ANAPC1: variants seen among roughly 807,000 people sequenced by gnomAD.
The protein encoded by ANAPC1 is anaphase promoting complex subunit 1.
ANAPC1 carries 36 observed loss-of-function variants against 208.0 expected under a neutral mutation model. The ratio of observed to expected loss-of-function variants is 0.17; its 90% CI spans 0.13 to 0.23. The LOEUF is 0.23. ANAPC1 is among the 10% of genes least tolerant of loss of function. The probability of loss-of-function intolerance (pLI) is 1.00; values close to 1 mark genes in which losing one functional copy is unlikely to be tolerated. For synonymous variants in ANAPC1, 378 were observed against 695.2 expected, an observed-to-expected ratio of 0.54 and a Z score of 7.18; for missense variants, 942 against 2,011.6, an observed-to-expected ratio of 0.47 and a Z score of 10.17.
chr2:111,785,632 G>A (rs1453389549), intron 39 of ANAPC1, among the ~76,000 whole-genome samples, 155 bp from the exon 40 acceptor site: 2 of 151,404 alleles, frequency 1.3e-5, no homozygotes, highest in Non-Finnish European at 3.0e-5. Context: ...CTATTAAAAA[G>A]TAATGGAGAA....
chr2:111,825,157 C>A lies in ANAPC1; in HGVS notation c.2715G>T (p.Lys905Asn). The change falls in exon 23 of 48, where the codon AAG becomes AAT. Residue 905 changes from lysine to asparagine, a missense_variant. Transcript: ENST00000341068. ...TGTTTTCCTCTTGTTCTACTTGCAA[C>A]TTCTGGGGGGCTAAAAGGCAACAAA... Reference protein sequence around the residue: ...YLTRITIAPQKLQVEQEENRF... With the variant: ...YLTRITIAPQNLQVEQEENRF... 1 of 1,613,032 alleles carries A rather than the reference C, an allele frequency of 6.2e-7. No individual in the cohort carries two copies. Among genetic ancestry groups the A allele is most frequent in the Non-Finnish European group, 8.5e-7 (1 of 1,179,650 alleles).
chr2:111,840,045 C>A (rs1419767306), intron 17 of ANAPC1, among the ~76,000 whole-genome samples: 2 of 152,118 alleles, frequency 1.3e-5, no homozygotes, highest in Non-Finnish European at 2.9e-5. Context: ...ATGTGAGAAA[C>A]CTGGCATCAT....
intron 42 of ANAPC1, 72 bp from the exon 43 acceptor site, chr2:111,782,579 T>C: frequency 3.2e-6 from 5 of 1,582,864 alleles, no homozygotes; most frequent in Non-Finnish European, 4.3e-6. Flanking sequence ...GTTTTCCCAA[T>C]ACCATGTTCA....
Position 111,843,409 on chromosome 2 carries a change from T to G in ANAPC1, c.2040+3A>C. ...CATAAAGAAAACAATAGTATTTACTTACATTTCTAGTCCATGCTAAGCGGT... is the reference window on the plus strand; with the variant it reads ...CATAAAGAAAACAATAGTATTTACTGACATTTCTAGTCCATGCTAAGCGGT... On this transcript the variant is annotated splice_donor_region_variant and intron_variant, in intron 17 of 47. Coordinates refer to ENST00000341068, the MANE Select transcript of ANAPC1 (RefSeq NM_022662.4). The G allele has an allele frequency of 6.2e-7, 1 of 1,611,934 alleles. No individual in the cohort carries two copies. Among genetic ancestry groups the G allele is most frequent in the Non-Finnish European group, 8.5e-7 (1 of 1,179,808 alleles).
At chr2:111,821,500 A>G (rs1467024582) in intron 25 of ANAPC1, 47 bp from the exon 26 acceptor site, 4 of 1,405,408 alleles carry the variant, frequency 2.8e-6, no homozygotes, top group Non-Finnish European at 4.0e-6. Context: ...AGCAGTTAAC[A>G]TGCACTTGCT....
chr2:111,855,457 C>T (rs777657332), intron 13 of ANAPC1, among the ~76,000 whole-genome samples: 2 of 152,156 alleles, frequency 1.3e-5, no homozygotes, highest in Non-Finnish European at 2.9e-5. Flanking sequence ...AATGCAGTAT[C>T]TGTGAAGTAC....
Position 111,769,675 on chromosome 2 carries a change from C to CTGAGATT in ANAPC1, c.5720-270_5720-269insAATCTCA, listed in dbSNP as rs377026379. Among the ~76,000 whole-genome samples the CTGAGATT allele has an allele frequency of 5.1e-5, 7 of 136,772 alleles. 2 individuals are homozygous for CTGAGATT. Among genetic ancestry groups the CTGAGATT allele is most frequent in the Non-Finnish European group, 9.3e-5 (6 of 64,724 alleles). 89.7% of individuals were successfully genotyped at this position (136,772 alleles called of 152,430 possible). ...GGAATATCTGCATTACACCTACTGG[C>CTGAGATT]TTTCTTTTTTTTTTTTTTTTTTTGG... On this transcript the variant is annotated intron_variant, in intron 47 of 47. Coordinates refer to ENST00000341068, the MANE Select transcript of ANAPC1 (RefSeq NM_022662.4).
intron 1 of ANAPC1, 147 bp from the exon 2 acceptor site, chr2:111,880,996 G>C: frequency 2.9e-6 from 2 of 678,734 alleles, no homozygotes; most frequent in Non-Finnish European, 4.9e-6. Flanking sequence ...AACATAAAAG[G>C]GCATTCTAGA....
At chr2:111,856,555 A>G (rs1681732829) in intron 13 of ANAPC1, 59 bp downstream of exon 13, 2 of 1,459,236 alleles carry the variant, frequency 1.4e-6, no homozygotes, top group Admixed American at 1.8e-5. Context: ...AACATTACAA[A>G]TATTCATGCA....
rs3863966 is a variant in ANAPC1, at chr2:111,858,293, G to A, written c.1358+13C>T. 1.3e-6 allele frequency: 2 copies of A among 1,586,772 alleles called. No individual in the cohort carries two copies. Among genetic ancestry groups the A allele is most frequent in the Admixed American group, 1.7e-5 (1 of 59,320 alleles). On this transcript the variant is annotated intron_variant, in intron 11 of 47. Coordinates refer to ENST00000341068, the MANE Select transcript of ANAPC1 (RefSeq NM_022662.4). Reference sequence around the variant, plus strand: ...TTATTTATACAGAAACAATGGGAAAGACATACACCTACCGTAACTGGAGCT... The same window carrying A: ...TTATTTATACAGAAACAATGGGAAAAACATACACCTACCGTAACTGGAGCT...
chr2:111,801,613 A>T lies in ANAPC1; in HGVS notation c.4222-742T>A, dbSNP rs1218090040. On this transcript the variant is annotated intron_variant, in intron 33 of 47. Transcript: ENST00000341068. ...ATACTGCCAGGAGTACAAGAAAAAA[A>T]TTAAAATTAAAATTGGAAGTAGTTT... Among the ~76,000 whole-genome samples, 8 of 149,928 alleles carry T rather than the reference A, an allele frequency of 5.3e-5. No individual in the cohort carries two copies. In the East Asian group the frequency reaches 1.6e-3, roughly 29 times the overall value.
chr2:111,837,709 T>C (rs1680545733), intron 18 of ANAPC1, among the ~76,000 whole-genome samples: 3 of 152,106 alleles, frequency 2.0e-5, no homozygotes. Flanking sequence ...ATATTAAAAC[T>C]GATCAAACTA....
At chr2:111,861,010 T>C (rs1188302358) in intron 10 of ANAPC1, among the ~76,000 whole-genome samples, 2 of 152,228 alleles carry the variant, frequency 1.3e-5, no homozygotes, top group Non-Finnish European at 2.9e-5. Context: ...GACACACTTA[T>C]AAAGTGCCTT....
intron 28 of ANAPC1, among the ~76,000 whole-genome samples, chr2:111,810,889 A>G (rs1231164806): frequency 9.9e-6 from 1 of 101,276 alleles, no homozygotes; most frequent in African/African-American, 3.0e-5. Flanking sequence ...CATCAAAAAA[A>G]AAAAAAAAAA....
chr2:111,827,520 T>TA (rs147817958), intron 21 of ANAPC1, among the ~76,000 whole-genome samples: 8,098 of 151,942 alleles, frequency 0.053, 688 homozygotes, highest in African/African-American at 0.18. Flanking sequence ...AAACATCACA[T>TA]AAAAAAAATT....
chr2:111,875,014 CTT>C (rs905211799), intron 3 of ANAPC1, among the ~76,000 whole-genome samples: 1 of 152,216 alleles, frequency 6.6e-6, no homozygotes, highest in Admixed American at 6.5e-5. Flanking sequence ...AATCGCCAAA[CTT>C]TTCCACAGCA....
At chr2:111,864,586 TCCC>T (rs200979046) in intron 8 of ANAPC1, among the ~76,000 whole-genome samples, 2,100 of 149,296 alleles carry the variant, frequency 0.014, 41 homozygotes, top group African/African-American at 0.049. Context: ...TGCCTCAGCC[TCCC>T]GAGTAGATAG....
At chr2:111,866,945 T>A (rs1682458118) in intron 7 of ANAPC1, among the ~76,000 whole-genome samples, 1 of 152,160 alleles carries the variant, frequency 6.6e-6, no homozygotes, top group Non-Finnish European at 1.5e-5. Flanking sequence ...GCTGTCCACA[T>A]ACTGACTCTA....
At chr2:111,794,738 A>G (rs1249956461) in intron 35 of ANAPC1, 80 bp downstream of exon 35, 8 of 1,106,022 alleles carry the variant, frequency 7.2e-6, no homozygotes. Flanking sequence ...ATCAAGGACA[A>G]TATTACTCCC....
Sources: gnomAD v4.1 joint callset for allele counts (sites outside exome capture counted in the v4.1 genomes callset) on GRCh38, gnomAD v4.1.1 for gene constraint, MANE v1.5 for transcripts, NCBI Gene and HGNC (gene_info 2026-07-23, HGNC 2026-07-21) for gene names.